SEMA3A: variants seen among roughly 807,000 people sequenced by gnomAD.
SEMA3A encodes semaphorin-3A.
A neutral mutation model predicts 97.9 loss-of-function variants in SEMA3A; 29 were observed. That is an observed-to-expected ratio of 0.30 (90% CI 0.22 to 0.40). The LOEUF (loss-of-function observed/expected upper bound fraction) is 0.40, where lower values mean the gene tolerates loss of function less well. SEMA3A is among the 10% of genes least tolerant of loss of function. The pLI is 1.00. For synonymous variants in SEMA3A, 321 were observed against 323.7 expected (o/e 0.99, Z 0.09); for missense variants, 763 against 951.3 (o/e 0.80, Z 2.60).
chr7:84,308,504 A>G (rs1227850310), intron 2 of SEMA3A, among the ~76,000 whole-genome samples: 2 of 152,186 alleles, frequency 1.3e-5, no homozygotes, highest in Non-Finnish European at 2.9e-5. Flanking sequence ...CTGAGAAACT[A>G]GAATTTTTGA....
rs114377104 is a variant in SEMA3A, at chr7:84,186,869, C to G, written c.112+7606G>C. 8.5e-5 allele frequency among the ~76,000 whole-genome samples: 13 copies of G among 152,224 alleles called. No homozygotes were observed. In the East Asian group the frequency reaches 1.2e-3, roughly 14 times the overall value. On this transcript the variant is annotated intron_variant, in intron 1 of 16. Transcript: ENST00000265362. ...GAAATTAGCCTACTATCCTCTCCCA[C>G]CCTCTCAATCAGTATCTTAAACAAA...
chr7:84,005,319 G>A lies in SEMA3A; in HGVS notation c.1360+20C>T. 1 of 1,575,478 alleles carries A rather than the reference G, an allele frequency of 6.3e-7. No homozygotes were observed. The highest frequency in any genetic ancestry group is 8.7e-7 in the Non-Finnish European group (1 of 1,145,404). ...CATAGTGTTCGGAAAAAAGTTTACA[G>A]CTGAAATTTAAAAATTTACCTGTTC... On this transcript the variant is annotated intron_variant, in intron 11 of 16. Coordinates refer to ENST00000265362, the MANE Select transcript of SEMA3A (RefSeq NM_006080.3).
intron 15 of SEMA3A, among the ~76,000 whole-genome samples, chr7:83,973,680 A>G (rs945296246): frequency 7.2e-5 from 11 of 152,322 alleles, no homozygotes; most frequent in African/African-American, 2.2e-4. Flanking sequence ...TCTGATGCCA[A>G]CCAAGATATA....
intron 4 of SEMA3A, among the ~76,000 whole-genome samples, chr7:84,082,469 T>C (rs1794197752): frequency 6.6e-6 from 1 of 152,172 alleles, no homozygotes. Flanking sequence ...TTAAGGTAAC[T>C]TCTAATATTA....
chr7:84,011,416 C>T, intron 7 of SEMA3A, 119 bp from the exon 8 acceptor site: 1 of 697,144 alleles, frequency 1.4e-6, no homozygotes, highest in Non-Finnish European at 2.4e-6. Flanking sequence ...TTTAAAAGTT[C>T]CTAATCATTT....
At chr7:84,004,414 G>A (rs1790582460) in intron 11 of SEMA3A, among the ~76,000 whole-genome samples, 1 of 151,916 alleles carries the variant, frequency 6.6e-6, no homozygotes, top group South Asian at 2.1e-4. Context: ...CAATTATGTT[G>A]TTTTTCTAAT....
chr7:84,095,582 T>C (rs1296017774), intron 4 of SEMA3A, among the ~76,000 whole-genome samples: 2 of 151,096 alleles, frequency 1.3e-5, no homozygotes, highest in African/African-American at 4.9e-5. Context: ...TTATGTCAAC[T>C]AGTCTCCATT....
intron 4 of SEMA3A, among the ~76,000 whole-genome samples, chr7:84,101,235 C>T (rs1293318480): frequency 1.3e-5 from 2 of 151,894 alleles, no homozygotes; most frequent in Admixed American, 1.3e-4. Context: ...AGGTTAGGTC[C>T]TTTCCATATA....
At chr7:84,399,384 C>T (rs1386154600) in intron 1 of SEMA3A, among the ~76,000 whole-genome samples, 1 of 152,156 alleles carries the variant, frequency 6.6e-6, no homozygotes, top group Non-Finnish European at 1.5e-5. Context: ...CTTGAATGAG[C>T]CCTGGTGCCA....
intron 12 of SEMA3A, among the ~76,000 whole-genome samples, chr7:83,988,164 C>T (rs1406783659): frequency 6.6e-6 from 1 of 152,132 alleles, no homozygotes; most frequent in Admixed American, 6.6e-5. Context: ...CCACTCCTTT[C>T]TACTCTCCTT....
At chr7:84,434,785 G>A (rs1051864413) in intron 1 of SEMA3A, among the ~76,000 whole-genome samples, 7 of 152,024 alleles carry the variant, frequency 4.6e-5, no homozygotes, top group African/African-American at 1.7e-4. Context: ...AATAAATACA[G>A]AAAAGCCTTC....
chr7:84,190,298 C>T (rs183979421), intron 1 of SEMA3A, among the ~76,000 whole-genome samples: 166 of 151,748 alleles, frequency 1.1e-3, no homozygotes, highest in Middle Eastern at 0.01. Context: ...GTTCATTTTA[C>T]ATTATTTGCC....
At chr7:84,062,743 A>G (rs1793292220) in intron 4 of SEMA3A, among the ~76,000 whole-genome samples, 1 of 152,170 alleles carries the variant, frequency 6.6e-6, no homozygotes, top group Non-Finnish European at 1.5e-5. Context: ...ACGAGATTAT[A>G]TCCCGCACCT....
chr7:84,299,637 G>C (rs1353503158), intron 3 of SEMA3A, among the ~76,000 whole-genome samples: 1 of 151,492 alleles, frequency 6.6e-6, no homozygotes, highest in Non-Finnish European at 1.5e-5. Context: ...AGCTGATAAT[G>C]TAAATAATGA....
At chr7:84,240,196 T>C (rs1386885930) in intron 3 of SEMA3A, among the ~76,000 whole-genome samples, 1 of 152,148 alleles carries the variant, frequency 6.6e-6, no homozygotes, top group African/African-American at 2.4e-5. Flanking sequence ...GTCTTAAAAA[T>C]ACATAAGCAA....
At chr7:84,489,366 A>G (rs924215745) in intron 1 of SEMA3A, among the ~76,000 whole-genome samples, 3 of 152,110 alleles carry the variant, frequency 2.0e-5, no homozygotes, top group Admixed American at 1.3e-4. Flanking sequence ...GCCAAACCAT[A>G]TCACTATCTG....
chr7:84,438,752 G>C (rs1187688139), intron 1 of SEMA3A, among the ~76,000 whole-genome samples: 1 of 152,020 alleles, frequency 6.6e-6, no homozygotes, highest in Non-Finnish European at 1.5e-5. Flanking sequence ...GAGTTTGAGA[G>C]ATCAAATAAT....
chr7:84,330,098 TA>T (rs1424715809), intron 2 of SEMA3A, among the ~76,000 whole-genome samples: 1 of 152,028 alleles, frequency 6.6e-6, no homozygotes, highest in East Asian at 1.9e-4. Context: ...ATAACATAAG[TA>T]AAATAAAAGC....
At chr7:84,002,077 G>T (rs1159469647) in intron 11 of SEMA3A, 31 bp from the exon 12 acceptor site, 1 of 1,269,640 alleles carries the variant, frequency 7.9e-7, no homozygotes, top group African/African-American at 1.5e-5. Flanking sequence ...AAGACCACAA[G>T]TTAAGTAGAT....
Sources: allele counts gnomAD v4.1 joint callset (sites outside exome capture counted in the v4.1 genomes callset), GRCh38; gene constraint gnomAD v4.1.1; transcripts MANE v1.5; gene names NCBI Gene and HGNC (gene_info 2026-07-23, HGNC 2026-07-21).